Variants in SMAP1 observed in about 807,000 individuals in gnomAD.
SMAP1 encodes stromal membrane-associated protein 1.
In SMAP1, 24 loss-of-function variants were observed where a neutral mutation model predicts 58.5. That is an observed-to-expected ratio of 0.41 (90% confidence interval 0.30 to 0.58). SMAP1 has a LOEUF of 0.58. SMAP1 is among the 20% of genes least tolerant of loss of function. The probability of loss-of-function intolerance (pLI) is 0.29; values close to 1 mark genes in which losing one functional copy is unlikely to be tolerated. For missense variants in SMAP1, 563 were observed against 566.3 expected, an observed-to-expected ratio of 0.99 and a Z score of 0.06; for synonymous variants, 216 against 196.6, an observed-to-expected ratio of 1.10 and a Z score of -0.82.
chr6:70,802,582 C>G (rs944615788), intron 6 of SMAP1, among the ~76,000 whole-genome samples: 1 of 152,114 alleles, frequency 6.6e-6, no homozygotes, highest in Admixed American at 6.5e-5. Context: ...TTGTCTTGTT[C>G]CGGTTTTCAA....
chr6:70,837,074 T>C (rs150406263), intron 7 of SMAP1, 46 bp downstream of exon 7: 28,157 of 1,392,134 alleles, frequency 0.02, 359 homozygotes, highest in Non-Finnish European at 0.024. Flanking sequence ...ACAAAACAAT[T>C]GAAACCTTTA....
At chr6:70,766,211 T>G (rs1157004236) in intron 3 of SMAP1, among the ~76,000 whole-genome samples, 1 of 152,194 alleles carries the variant, frequency 6.6e-6, no homozygotes, top group East Asian at 1.9e-4. Context: ...AACATACATG[T>G]GCATCTGTCT....
At chr6:70,774,207 A>G (rs1435677744) in intron 4 of SMAP1, among the ~76,000 whole-genome samples, 1 of 152,196 alleles carries the variant, frequency 6.6e-6, no homozygotes, top group Non-Finnish European at 1.5e-5. Context: ...CTGTCATGTA[A>G]TGATATGTTT....
chr6:70,673,833 G>A (rs930487107), intron 1 of SMAP1, among the ~76,000 whole-genome samples: 5 of 152,184 alleles, frequency 3.3e-5, no homozygotes, highest in Non-Finnish European at 7.3e-5. Context: ...TGACTCATCA[G>A]TTTAAAACTT....
intron 1 of SMAP1, among the ~76,000 whole-genome samples, chr6:70,709,872 T>A (rs1259805731): frequency 6.6e-6 from 1 of 152,202 alleles, no homozygotes; most frequent in Non-Finnish European, 1.5e-5. Context: ...ATTTTTTTTT[T>A]AATCAGTGTT....
At chr6:70,787,666 A>G (rs1237974526) in intron 4 of SMAP1, among the ~76,000 whole-genome samples, 2 of 152,138 alleles carry the variant, frequency 1.3e-5, no homozygotes, top group Admixed American at 1.3e-4. Context: ...TCTCAAAAGA[A>G]GACATTTATG....
At chr6:70,768,660 G>T (rs10455708) in intron 3 of SMAP1, among the ~76,000 whole-genome samples, 66,088 of 151,756 alleles carry the variant, frequency 0.44, 14,716 homozygotes, top group South Asian at 0.5. Flanking sequence ...TATTAGTCTT[G>T]CTAGTGGTCT....
chr6:70,702,543 G>C (rs1395931301), intron 1 of SMAP1, among the ~76,000 whole-genome samples: 1 of 151,764 alleles, frequency 6.6e-6, no homozygotes, highest in Non-Finnish European at 1.5e-5. Context: ...TCTTATAGAA[G>C]TTTGATTTGG....
At chr6:70,715,843 C>T (rs192590490) in intron 1 of SMAP1, among the ~76,000 whole-genome samples, 4 of 152,088 alleles carry the variant, frequency 2.6e-5, no homozygotes, top group South Asian at 2.1e-4. Flanking sequence ...TGTCATCACT[C>T]GAGCACTAAA....
intron 6 of SMAP1, among the ~76,000 whole-genome samples, chr6:70,827,369 C>T (rs1034199009): frequency 6.6e-6 from 1 of 152,094 alleles, no homozygotes; most frequent in African/African-American, 2.4e-5. Flanking sequence ...CTTAACTGTC[C>T]TGAATATAGC....
chr6:70,767,962 G>A (rs574499517), intron 3 of SMAP1, among the ~76,000 whole-genome samples: 2 of 148,510 alleles, frequency 1.3e-5, no homozygotes, highest in African/African-American at 5.0e-5. Flanking sequence ...TAGCATGAAG[G>A]GTTGTTGAAT....
intron 6 of SMAP1, among the ~76,000 whole-genome samples, chr6:70,830,891 G>A (rs1770330795): frequency 6.6e-6 from 1 of 152,282 alleles, no homozygotes; most frequent in East Asian, 1.9e-4. Context: ...CATGAGACAG[G>A]ATTTTTAGCA....
At chr6:70,713,505 C>T (rs548088282) in intron 1 of SMAP1, among the ~76,000 whole-genome samples, 6 of 152,104 alleles carry the variant, frequency 3.9e-5, no homozygotes, top group Admixed American at 1.3e-4. Context: ...TTTTGACTTA[C>T]TGTTTGACCT....
intron 1 of SMAP1, among the ~76,000 whole-genome samples, chr6:70,683,656 T>C (rs1392457544): frequency 6.6e-6 from 1 of 152,162 alleles, no homozygotes; most frequent in East Asian, 1.9e-4. Flanking sequence ...TTCATCTCCA[T>C]ATTCCACCCA....
chr6:70,822,359 C>T (rs1240114785), intron 6 of SMAP1, among the ~76,000 whole-genome samples: 2 of 152,116 alleles, frequency 1.3e-5, no homozygotes, highest in African/African-American at 4.8e-5. Context: ...TATTATTCTC[C>T]TTTATGATGA....
Position 70,748,656 on chromosome 6 carries a change from G to C in SMAP1, c.253-6324G>C, listed in dbSNP as rs563784314. Among the ~76,000 whole-genome samples, 4 of 152,106 alleles carry C rather than the reference G, an allele frequency of 2.6e-5. No homozygotes were observed. In the South Asian group the frequency reaches 6.2e-4, roughly 24 times the overall value. On this transcript the variant is annotated intron_variant, in intron 2 of 10. Transcript: ENST00000370455. Reference sequence around the variant, plus strand: ...GGATACCCTACTGAAGCTCCCTCTAGATAGTATTTTACTTAGAAACAATGC... The same window carrying C: ...GGATACCCTACTGAAGCTCCCTCTACATAGTATTTTACTTAGAAACAATGC...
At chr6:70,835,251 C>CAAAAAA (rs778677881) in intron 6 of SMAP1, among the ~76,000 whole-genome samples, 17 of 57,898 alleles carry the variant, frequency 2.9e-4, no homozygotes, top group Non-Finnish European at 3.8e-4. Flanking sequence ...GACTCCGTCT[C>CAAAAAA]AAAAAAAAAA....
At chr6:70,797,618 C>T (rs1396199816) in intron 5 of SMAP1, among the ~76,000 whole-genome samples, 1 of 152,088 alleles carries the variant, frequency 6.6e-6, no homozygotes, top group African/African-American at 2.4e-5. Flanking sequence ...TTATTTCTCT[C>T]ACATTATGGC....
chr6:70,789,960 A>T (rs1216666708), intron 4 of SMAP1, among the ~76,000 whole-genome samples: 2 of 152,066 alleles, frequency 1.3e-5, no homozygotes, highest in African/African-American at 4.8e-5. Flanking sequence ...TCATCTTCTC[A>T]AATGGAGGAC....
Sources: gnomAD v4.1 joint callset for allele counts (sites outside exome capture counted in the v4.1 genomes callset) on GRCh38, gnomAD v4.1.1 for gene constraint, MANE v1.5 for transcripts, NCBI Gene and HGNC (gene_info 2026-07-23, HGNC 2026-07-21) for gene names.